The following SLC1A7 variants were observed in gnomAD, a reference collection of about 807,000 sequenced individuals.
The protein encoded by SLC1A7 is excitatory amino acid transporter 5.
A neutral mutation model predicts 47.7 loss-of-function variants in SLC1A7; 40 were observed. The ratio of observed to expected loss-of-function variants is 0.84; its 90% confidence interval spans 0.65 to 1.09. The LOEUF (loss-of-function observed/expected upper bound fraction) is 1.09. Among genes scored for constraint, SLC1A7 ranks in the 50% least tolerant of loss-of-function variants. SLC1A7 has a pLI of 0.00. For synonymous variants in SLC1A7, 323 were observed against 325.6 expected, an observed-to-expected ratio of 0.99 and a Z score of 0.09; for missense variants, 746 against 769.5, an observed-to-expected ratio of 0.97 and a Z score of 0.36.
intron 2 of SLC1A7, among the ~76,000 whole-genome samples, chr1:53,128,051 G>GACACAC (rs1186111990): frequency 1.3e-5 from 2 of 152,228 alleles, no homozygotes; most frequent in Non-Finnish European, 2.9e-5. Flanking sequence ...AATACACACA[G>GACACAC]ACACACACAC....
chr1:53,118,997 C>CA (rs951623085), intron 2 of SLC1A7, among the ~76,000 whole-genome samples: 5 of 151,122 alleles, frequency 3.3e-5, no homozygotes, highest in African/African-American at 9.7e-5. Context: ...AACTCCGTTT[C>CA]AAAAAAAAAT....
chr1:53,131,324 AT>A (rs906634745), intron 2 of SLC1A7, among the ~76,000 whole-genome samples: 2 of 152,086 alleles, frequency 1.3e-5, no homozygotes, highest in African/African-American at 4.8e-5. Flanking sequence ...TCTGAACAGG[AT>A]TTTTTTGTTT....
intron 1 of SLC1A7, among the ~76,000 whole-genome samples, chr1:53,136,773 CT>C (rs942194749): frequency 2.0e-5 from 3 of 149,596 alleles, no homozygotes; most frequent in Non-Finnish European, 4.4e-5. Context: ...CTCAAGTAAT[CT>C]TCACACCTCA....
chr1:53,093,389 AG>A (rs1413318926), intron 6 of SLC1A7, 71 bp downstream of exon 6: 1 of 1,191,076 alleles, frequency 8.4e-7, no homozygotes, highest in Non-Finnish European at 1.2e-6. Flanking sequence ...ACGGGAGAAG[AG>A]GGTGGGGTCT....
intron 10 of SLC1A7, among the ~76,000 whole-genome samples, chr1:53,088,643 A>G (rs906816847): frequency 6.6e-6 from 1 of 152,174 alleles, no homozygotes; most frequent in African/African-American, 2.4e-5. Flanking sequence ...GAATTTTATC[A>G]TATCTTGTTC....
rs1025361475 is a variant in SLC1A7 at position 53,142,590 on chromosome 1, C to T, written c.-141G>A. 91 of 890,254 alleles carry T rather than the reference C, an allele frequency of 1.0e-4. No homozygotes were observed. Among genetic ancestry groups the T allele is most frequent in the Middle Eastern group, 6.6e-4 (2 of 3,030 alleles). The allele number at this position is 890,254 out of a possible 1,614,324, so 55.1% of individuals were successfully genotyped here. On this transcript the variant is annotated 5_prime_UTR_variant, in exon 1 of 11. It adds an upstream start codon to the 5' untranslated region. Transcript: ENST00000371494. ...TGCTAAACACCAGTCGCCAGCCCCA[C>T]GGCCATGCCCGTGTGGCCGCCTTAG...
chr1:53,091,189 A>C (rs914340579), intron 7 of SLC1A7, among the ~76,000 whole-genome samples: 1 of 152,228 alleles, frequency 6.6e-6, no homozygotes, highest in Non-Finnish European at 1.5e-5. Flanking sequence ...TCTTTGTCCC[A>C]AAAAGACCTG....
At chr1:53,100,839 A>T (rs1270552640) in intron 5 of SLC1A7, among the ~76,000 whole-genome samples, 2 of 149,578 alleles carry the variant, frequency 1.3e-5, no homozygotes, top group Non-Finnish European at 3.0e-5. Context: ...ACCTCGGTAC[A>T]CTGCCATACC....
At chr1:53,088,296 G>C in intron 10 of SLC1A7, 69 bp from the exon 11 acceptor site, 1 of 1,285,152 alleles carries the variant, frequency 7.8e-7, no homozygotes. Context: ...AGGACTGAGG[G>C]CCAGTGGGGC....
At chr1:53,135,304 T>C (rs1451963667) in intron 1 of SLC1A7, among the ~76,000 whole-genome samples, 1 of 152,214 alleles carries the variant, frequency 6.6e-6, no homozygotes, top group Non-Finnish European at 1.5e-5. Context: ...GTTCCTGTCC[T>C]GAGAAGTTCC....
At chr1:53,126,966 G>A (rs922704857) in intron 2 of SLC1A7, among the ~76,000 whole-genome samples, 4 of 150,594 alleles carry the variant, frequency 2.7e-5, no homozygotes, top group Non-Finnish European at 4.4e-5. Context: ...GGGCTCAAGC[G>A]ATCCTCCCAC....
intron 7 of SLC1A7, 129 bp from the exon 8 acceptor site, chr1:53,090,935 G>T (rs764970287): frequency 1.3e-6 from 2 of 1,536,836 alleles, no homozygotes; most frequent in Non-Finnish European, 1.8e-6. Context: ...GCGCTGCTCC[G>T]GCAGGAGGTA....
rs776676800 is a variant in SLC1A7, at chr1:53,088,185, TCTC to T, written c.1504_1506del (p.Glu502del). The stretch of plus-strand genomic sequence containing the variant: ...CAGCCATTCTGCTGGGCTGCCACGA[TCTC>T]CTGGAGGCTCACTGGCTTGGTCTCG... On this transcript the variant is annotated inframe_deletion, in exon 11 of 11. Coordinates refer to ENST00000371494, the MANE Select transcript of SLC1A7 (RefSeq NM_006671.6). The T allele has an allele frequency of 1.2e-6, 2 of 1,612,996 alleles. No individual in the cohort carries two copies. The highest frequency in any genetic ancestry group is 1.7e-6 in the Non-Finnish European group (2 of 1,179,478).
chr1:53,133,692 A>G (rs939230467), intron 2 of SLC1A7, among the ~76,000 whole-genome samples: 4 of 152,068 alleles, frequency 2.6e-5, no homozygotes, highest in Non-Finnish European at 5.9e-5. Context: ...GGACCAAGTG[A>G]TCTCCCATGA....
Position 53,142,442 on chromosome 1 carries a change from G to A in SLC1A7, c.8C>T (p.Pro3Leu), listed in dbSNP as rs762380862. ...CCTCCCCCGTGCCAAGATGGCATGCGGCACCATGGTGAGCCTGGCCTGCTG... is the reference window on the plus strand; with the variant it reads ...CCTCCCCCGTGCCAAGATGGCATGCAGCACCATGGTGAGCCTGGCCTGCTG... MV[P>L]HAILARGRDV... Residue 3 changes from proline (P) to leucine (L), a missense_variant, in exon 1 of 11, where the codon CCG becomes CTG. By Grantham distance (98) the Pro-to-Leu change is moderately conservative. Coordinates refer to ENST00000371494, the MANE Select transcript of SLC1A7 (RefSeq NM_006671.6). 62 of 1,613,132 alleles carry A rather than the reference G, an allele frequency of 3.8e-5. No individual in the cohort carries two copies. In the Admixed American group the frequency reaches 5.0e-4, roughly 13 times the overall value.
chr1:53,116,400 T>C (rs1423909681), intron 2 of SLC1A7, among the ~76,000 whole-genome samples: 1 of 152,130 alleles, frequency 6.6e-6, no homozygotes, highest in Admixed American at 6.5e-5. Context: ...TTGGGCCAGG[T>C]TCTGATTGAA....
At chr1:53,125,892 G>C (rs563773108) in intron 2 of SLC1A7, among the ~76,000 whole-genome samples, 1 of 152,230 alleles carries the variant, frequency 6.6e-6, no homozygotes, top group African/African-American at 2.4e-5. Flanking sequence ...CTGTGGCCAC[G>C]GGGTGGAGGC....
intron 3 of SLC1A7, among the ~76,000 whole-genome samples, chr1:53,110,774 C>G (rs908049014): frequency 6.6e-6 from 1 of 152,122 alleles, no homozygotes; most frequent in African/African-American, 2.4e-5. Flanking sequence ...TAGTTCTCCT[C>G]CTGCCTCTCT....
chr1:53,105,745 G>C lies in SLC1A7; in HGVS notation c.461C>G (p.Ala154Gly). ...RNMFPANLVE[A>G]TFKQYRTKTT... ...AGACTCACTCACCTGTTTGAATGTG[G>C]CTTCTACTAGGTTGGCTGGGAACAT... The change falls in exon 4 of 11, where the codon GCC becomes GGC. Residue 154 changes from alanine (A) to glycine (G), a missense_variant. Physicochemically the swap from Ala to Gly is moderately conservative, Grantham distance 60. Coordinates refer to ENST00000371494, the MANE Select transcript of SLC1A7 (RefSeq NM_006671.6). 6.2e-7 allele frequency: 1 copy of C among 1,613,146 alleles called. No homozygotes were observed. The highest frequency in any genetic ancestry group is 8.5e-7 in the Non-Finnish European group (1 of 1,179,350).
Sources: allele counts gnomAD v4.1 joint callset (sites outside exome capture counted in the v4.1 genomes callset), GRCh38; gene constraint gnomAD v4.1.1; transcripts MANE v1.5; gene names NCBI Gene and HGNC (gene_info 2026-07-23, HGNC 2026-07-21).